KCNH1: variants seen among roughly 807,000 people sequenced by gnomAD.
KCNH1 encodes potassium voltage-gated channel subfamily H member 1, also known as voltage-gated delayed rectifier potassium channel KCNH1.
In KCNH1, 27 loss-of-function variants were observed where a neutral mutation model predicts 69.2. That is an observed-to-expected ratio of 0.39 (90% CI 0.29 to 0.54). The LOEUF (loss-of-function observed/expected upper bound fraction) is 0.54. Ranked by LOEUF, KCNH1 falls within the 20% of genes least tolerant of loss-of-function variation. The probability of loss-of-function intolerance (pLI) is 0.68; values close to 1 mark genes in which losing one functional copy is unlikely to be tolerated. For synonymous variants in KCNH1, 456 were observed against 487.7 expected, an observed-to-expected ratio of 0.93 and a Z score of 0.86; for missense variants, 798 against 1,261.6, an observed-to-expected ratio of 0.63 and a Z score of 5.57.
chr1:210,767,501 A>G (rs571394679), intron 10 of KCNH1, among the ~76,000 whole-genome samples: 5 of 152,344 alleles, frequency 3.3e-5, no homozygotes, highest in South Asian at 4.1e-4. Context: ...GAGATACTAA[A>G]GAGCATCTAG....
At chr1:210,880,166 A>G (rs563915568) in intron 7 of KCNH1, among the ~76,000 whole-genome samples, 1 of 152,274 alleles carries the variant, frequency 6.6e-6, no homozygotes, top group South Asian at 2.1e-4. Context: ...GTTCCTCCCA[A>G]ATTGATCTGT....
At chr1:210,870,253 T>C (rs1307113707) in intron 7 of KCNH1, among the ~76,000 whole-genome samples, 1 of 152,152 alleles carries the variant, frequency 6.6e-6, no homozygotes, top group African/African-American at 2.4e-5. Flanking sequence ...AAATCACTGA[T>C]ATTATCTATG....
chr1:210,940,430 T>G (rs771407108), intron 6 of KCNH1, among the ~76,000 whole-genome samples: 2 of 152,226 alleles, frequency 1.3e-5, no homozygotes, highest in East Asian at 3.9e-4. Flanking sequence ...TTAACAGGTC[T>G]GTTGACTACA....
intron 7 of KCNH1, among the ~76,000 whole-genome samples, chr1:210,915,215 C>T (rs1487037458): frequency 3.9e-5 from 6 of 152,164 alleles, no homozygotes; most frequent in Non-Finnish European, 8.8e-5. Flanking sequence ...GCCTTTGTTG[C>T]TGGTTGCTAG....
chr1:210,900,264 G>T (rs1402384996), intron 7 of KCNH1, among the ~76,000 whole-genome samples: 1 of 152,230 alleles, frequency 6.6e-6, no homozygotes, highest in Non-Finnish European at 1.5e-5. Flanking sequence ...CAAGGGAGCT[G>T]GGAAGGGCAA....
At chr1:210,738,552 CTTTTTTTT>C (rs57669878) in intron 10 of KCNH1, among the ~76,000 whole-genome samples, 134 of 49,134 alleles carry the variant, frequency 2.7e-3, no homozygotes, top group African/African-American at 7.5e-3. Flanking sequence ...GGCTTTTTTG[CTTTTTTTT>C]TTTTTTTTTT....
intron 10 of KCNH1, among the ~76,000 whole-genome samples, chr1:210,770,404 C>T (rs544136134): frequency 1.3e-5 from 2 of 152,278 alleles, no homozygotes; most frequent in African/African-American, 2.4e-5. Flanking sequence ...TTAGGAAGGA[C>T]TTGTATCAGC....
At chr1:210,943,762 AGAC>A (rs1687912546) in intron 6 of KCNH1, among the ~76,000 whole-genome samples, 1 of 152,246 alleles carries the variant, frequency 6.6e-6, no homozygotes, top group Admixed American at 6.5e-5. Flanking sequence ...CATCCCCAAA[AGAC>A]TAGTGTCAGA....
intron 6 of KCNH1, among the ~76,000 whole-genome samples, chr1:210,967,286 A>T (rs1688425485): frequency 6.6e-6 from 1 of 152,190 alleles, no homozygotes; most frequent in South Asian, 2.1e-4. Flanking sequence ...ACAAAGCTGC[A>T]TGTTCTGCAC....
At position 210,925,151 on chromosome 1, in the gene KCNH1, A is replaced by G. The variant is rs571556194; in HGVS notation, c.1033-5082T>C. 3.9e-5 allele frequency among the ~76,000 whole-genome samples: 6 copies of G among 152,318 alleles called. No individual in the cohort carries two copies. The South Asian group carries it at 1.2e-3, about 32-fold the overall frequency. ...GAACACAATAATTCTCCAGTAACAG[A>G]CCCAAAAGTAAAGGAAATCTATAAA... On this transcript the variant is annotated intron_variant, in intron 6 of 10. Coordinates refer to ENST00000271751, the MANE Select transcript of KCNH1 (RefSeq NM_172362.3).
intron 5 of KCNH1, among the ~76,000 whole-genome samples, chr1:211,058,019 C>T (rs1294192612): frequency 6.6e-6 from 1 of 152,106 alleles, no homozygotes; most frequent in Admixed American, 6.5e-5. Flanking sequence ...CAGCAGACTT[C>T]TCAGTGGAAT....
chr1:210,916,222 G>A (rs547618903), intron 7 of KCNH1, among the ~76,000 whole-genome samples: 48 of 152,320 alleles, frequency 3.2e-4, no homozygotes, highest in South Asian at 1.9e-3. Context: ...GACATCAGCA[G>A]TTGTCCTGAA....
rs989792117 is a variant in KCNH1 at position 210,895,063 on chromosome 1, C to T, written c.1462+24577G>A. Among the ~76,000 whole-genome samples, 6 of 152,236 alleles carry T rather than the reference C, an allele frequency of 3.9e-5. No homozygotes were observed. The South Asian group carries it at 1.2e-3, about 32-fold the overall frequency. On this transcript the variant is annotated intron_variant, in intron 7 of 10. Transcript: ENST00000271751. ...ATCATAGGGCTAACTTCATTTATTTCCTGCATCTTAGGGATCATTGTCCTT... is the reference window on the plus strand; with the variant it reads ...ATCATAGGGCTAACTTCATTTATTTTCTGCATCTTAGGGATCATTGTCCTT...
Position 210,738,178 on chromosome 1 carries a change from C to T in KCNH1, c.2112+37170G>A, listed in dbSNP as rs1301443636. 8.0e-5 allele frequency among the ~76,000 whole-genome samples: 12 copies of T among 150,098 alleles called. No individual in the cohort carries two copies. The East Asian group carries it at 2.4e-3, about 30-fold the overall frequency. ...AGGGCCTTTGCACCTGCTATTTCCTCTGCCTGGACCCTCTTCCTCAGATAT... is the reference window on the plus strand; with the variant it reads ...AGGGCCTTTGCACCTGCTATTTCCTTTGCCTGGACCCTCTTCCTCAGATAT... On this transcript the variant is annotated intron_variant, in intron 10 of 10. Transcript: ENST00000271751.
At chr1:210,935,182 T>TTA (rs1553362084) in intron 6 of KCNH1, among the ~76,000 whole-genome samples, 5 of 133,590 alleles carry the variant, frequency 3.7e-5, no homozygotes, top group Non-Finnish European at 1.6e-5. Context: ...TATTCAGCCA[T>TTA]AAAAAAAAAA....
chr1:210,701,083 G>T (rs931882760), intron 10 of KCNH1, among the ~76,000 whole-genome samples: 1 of 152,024 alleles, frequency 6.6e-6, no homozygotes, highest in East Asian at 1.9e-4. Flanking sequence ...GACTACAGGC[G>T]CCCGCCACCA....
intron 7 of KCNH1, among the ~76,000 whole-genome samples, chr1:210,847,353 G>A (rs548661520): frequency 2.0e-5 from 3 of 152,244 alleles, no homozygotes; most frequent in South Asian, 4.2e-4. Flanking sequence ...ACGATAGACT[G>A]GATTAAGAAA....
At chr1:211,036,396 C>T (rs1013877128) in intron 5 of KCNH1, among the ~76,000 whole-genome samples, 7 of 152,082 alleles carry the variant, frequency 4.6e-5, no homozygotes, top group African/African-American at 9.7e-5. Context: ...AAGACTGGGA[C>T]GGTCAATTTC....
At chr1:211,067,882 C>T (rs532200359) in intron 5 of KCNH1, among the ~76,000 whole-genome samples, 2 of 152,354 alleles carry the variant, frequency 1.3e-5, no homozygotes, top group South Asian at 4.1e-4. Flanking sequence ...AGTCAGTGAA[C>T]TACCCTATGC....
Sources: gnomAD v4.1 joint callset for allele counts (sites outside exome capture counted in the v4.1 genomes callset) on GRCh38, gnomAD v4.1.1 for gene constraint, MANE v1.5 for transcripts, NCBI Gene and HGNC (gene_info 2026-07-23, HGNC 2026-07-21) for gene names.